Variants in FHIT observed in about 807,000 individuals in gnomAD.
The protein encoded by FHIT is bis(5'-adenosyl)-triphosphatase.
In FHIT, 19 loss-of-function variants were observed where a neutral mutation model predicts 17.9. The observed-to-expected ratio is 1.06, with a 90% confidence interval of 0.74 to 1.56. The LOEUF is 1.56. Among genes scored for constraint, FHIT ranks in the 40% most tolerant of loss-of-function variants. The pLI, the probability that FHIT is intolerant of heterozygous loss-of-function variation, is 0.00. For missense variants in FHIT, 248 were observed against 189.2 expected (o/e 1.31, Z -1.82); for synonymous variants, 81 against 69.7 (o/e 1.16, Z -0.81).
chr3:59,799,383 C>A (rs1699904859), intron 8 of FHIT, among the ~76,000 whole-genome samples: 1 of 151,174 alleles, frequency 6.6e-6, no homozygotes, highest in South Asian at 2.1e-4. Context: ...AAAAAAATAC[C>A]TTAGGGCACG....
At chr3:60,358,609 G>C (rs1347578558) in intron 5 of FHIT, among the ~76,000 whole-genome samples, 1 of 152,204 alleles carries the variant, frequency 6.6e-6, no homozygotes. Flanking sequence ...ATTTCAGAAA[G>C]AGCATAGTGA....
intron 8 of FHIT, among the ~76,000 whole-genome samples, chr3:59,878,745 C>G (rs186972864): frequency 6.6e-6 from 1 of 152,130 alleles, no homozygotes; most frequent in Non-Finnish European, 1.5e-5. Context: ...TAGTTATTGA[C>G]GAGCGTTTAG....
intron 8 of FHIT, among the ~76,000 whole-genome samples, chr3:59,895,093 T>A (rs762220524): frequency 3.3e-5 from 5 of 152,200 alleles, no homozygotes; most frequent in Non-Finnish European, 5.9e-5. Context: ...GTGGGAGGTG[T>A]TTCTGGCATC....
At chr3:59,799,228 G>C (rs907664264) in intron 8 of FHIT, among the ~76,000 whole-genome samples, 5 of 152,160 alleles carry the variant, frequency 3.3e-5, no homozygotes, top group Non-Finnish European at 7.3e-5. Flanking sequence ...AGCATTTTGG[G>C]TGACTGGGCA....
chr3:61,228,789 G>T (rs1162214130), intron 1 of FHIT, among the ~76,000 whole-genome samples: 2 of 152,154 alleles, frequency 1.3e-5, no homozygotes, highest in Non-Finnish European at 2.9e-5. Flanking sequence ...GAAACCTGGG[G>T]ATGTTCAGCC....
rs371797220 is a variant in FHIT, at chr3:59,811,106, T to C, written c.349-58785A>G. Among the ~76,000 whole-genome samples, 10 of 152,198 alleles carry C rather than the reference T, an allele frequency of 6.6e-5. No homozygotes were observed. In the South Asian group the frequency reaches 2.1e-3, roughly 32 times the overall value. On this transcript the variant is annotated intron_variant, in intron 8 of 9. Coordinates refer to ENST00000492590, the MANE Select transcript of FHIT (RefSeq NM_002012.4). ...TCTCAACCTCTCAGTGTGAAATGAG[T>C]TGTGCCCAGTTACTATGTCACATGG...
At chr3:59,925,045 A>C (rs1705586471) in intron 7 of FHIT, among the ~76,000 whole-genome samples, 2 of 142,964 alleles carry the variant, frequency 1.4e-5, no homozygotes, top group African/African-American at 5.2e-5. Flanking sequence ...CTTTCCTTCT[A>C]TCTTTTCTCT....
chr3:59,780,295 A>G (rs1013010726), intron 8 of FHIT, among the ~76,000 whole-genome samples: 1 of 152,232 alleles, frequency 6.6e-6, no homozygotes, highest in African/African-American at 2.4e-5. Flanking sequence ...CCAATAAATG[A>G]TAGTGATTGG....
At chr3:60,817,233 T>G (rs546063822) in intron 4 of FHIT, among the ~76,000 whole-genome samples, 1 of 152,174 alleles carries the variant, frequency 6.6e-6, no homozygotes, top group Middle Eastern at 3.4e-3. Flanking sequence ...AAGACAATGT[T>G]ATAATTTTTG....
chr3:60,790,608 C>A (rs1484494544), intron 4 of FHIT, among the ~76,000 whole-genome samples: 2 of 152,034 alleles, frequency 1.3e-5, no homozygotes, highest in African/African-American at 4.8e-5. Flanking sequence ...AAACCACATT[C>A]CATTACCACC....
At position 60,964,836 on chromosome 3, in the gene FHIT, T is replaced by C. The variant is rs184332147; in HGVS notation, c.-111+77211A>G. On this transcript the variant is annotated intron_variant, in intron 3 of 9. Transcript: ENST00000492590. ...GATGGGCTTCCCTTTGTGGGTAACC[T>C]GACCTTTCTCTCTGGCTGCTCTTAA... Among the ~76,000 whole-genome samples, 1,241 of 152,304 alleles carry C rather than the reference T, an allele frequency of 8.1e-3. 10 individuals carry two copies. Among genetic ancestry groups the C allele is most frequent in the Non-Finnish European group, 0.012 (845 of 68,026 alleles).
At chr3:60,120,131 A>C (rs1004717613) in intron 5 of FHIT, among the ~76,000 whole-genome samples, 1 of 152,200 alleles carries the variant, frequency 6.6e-6, no homozygotes. Flanking sequence ...TCTCATTAAA[A>C]TCAATTTCTC....
At chr3:60,262,622 G>A (rs978106568) in intron 5 of FHIT, among the ~76,000 whole-genome samples, 1 of 151,780 alleles carries the variant, frequency 6.6e-6, no homozygotes, top group Non-Finnish European at 1.5e-5. Context: ...TTTACCTCTA[G>A]CCAATTTCCC....
chr3:61,103,508 T>G (rs761091954), intron 2 of FHIT, among the ~76,000 whole-genome samples: 4 of 152,192 alleles, frequency 2.6e-5, no homozygotes, highest in Non-Finnish European at 5.9e-5. Context: ...TGCAATGTGG[T>G]GCTGAGAAGA....
At chr3:60,551,421 G>C (rs1236165994) in intron 4 of FHIT, among the ~76,000 whole-genome samples, 6 of 118,710 alleles carry the variant, frequency 5.1e-5, no homozygotes, top group Admixed American at 2.0e-4. Flanking sequence ...AGGACTTCAA[G>C]ACCAGCCTGG....
In FHIT at chr3:60,960,597, G is replaced by A. The variant is rs143821185; in HGVS notation, c.-111+81450C>T. On this transcript the variant is annotated intron_variant, in intron 3 of 9. Coordinates refer to ENST00000492590, the MANE Select transcript of FHIT (RefSeq NM_002012.4). ...CTCCCCCCACCCCACAACAGGCCCC[G>A]GTGTGTGGCCCCGGTGTGTGATGTT... Among the ~76,000 whole-genome samples the A allele has an allele frequency of 2.6e-3, 348 of 131,598 alleles. 2 individuals are homozygous for A. Among genetic ancestry groups the A allele is most frequent in the Non-Finnish European group, 3.9e-3 (225 of 57,598 alleles). 86.3% of individuals were successfully genotyped at this position (131,598 alleles called of 152,430 possible).
At chr3:60,208,331 T>C (rs213322) in intron 5 of FHIT, among the ~76,000 whole-genome samples, 71,127 of 151,998 alleles carry the variant, frequency 0.47, 16,853 homozygotes, top group Admixed American at 0.54. Flanking sequence ...TCTTGATCCT[T>C]TGCCAAATCA....
chr3:60,818,074 G>A (rs1553738220), intron 4 of FHIT, among the ~76,000 whole-genome samples: 1 of 151,942 alleles, frequency 6.6e-6, no homozygotes. Flanking sequence ...TTCAAATACT[G>A]TATTTTTCAG....
chr3:60,463,247 T>A (rs2107419041), intron 5 of FHIT, among the ~76,000 whole-genome samples: 1 of 152,246 alleles, frequency 6.6e-6, no homozygotes, highest in Admixed American at 6.5e-5. Context: ...GAAAAAAAAA[T>A]CCTGTTTTTC....
Sources: gnomAD v4.1 joint callset for allele counts (sites outside exome capture counted in the v4.1 genomes callset) on GRCh38, gnomAD v4.1.1 for gene constraint, MANE v1.5 for transcripts, NCBI Gene and HGNC (gene_info 2026-07-23, HGNC 2026-07-21) for gene names.